The following EWSR1 variants were observed in gnomAD, a reference collection of about 807,000 sequenced individuals.
The protein encoded by EWSR1 is EWS RNA binding protein 1, also known as RNA-binding protein EWS.
A neutral mutation model predicts 92.1 loss-of-function variants in EWSR1; 14 were observed. The observed-to-expected ratio is 0.15, with a 90% CI of 0.10 to 0.24. The LOEUF (loss-of-function observed/expected upper bound fraction) is 0.24. Ranked by LOEUF, EWSR1 falls within the 10% of genes least tolerant of loss-of-function variation. The pLI, the probability that EWSR1 is intolerant of heterozygous loss-of-function variation, is 1.00. For missense variants in EWSR1, 637 were observed against 870.9 expected (o/e 0.73, Z 3.38); for synonymous variants, 303 against 292.9 (o/e 1.03, Z -0.35).
Position 29,274,007 on chromosome 22 carries a change from T to C in EWSR1, c.226+143T>C, listed in dbSNP as rs1220874151. 4 of 1,123,500 alleles carry C rather than the reference T, an allele frequency of 3.6e-6. No individual in the cohort carries two copies. In the African/African-American group the frequency reaches 4.7e-5, roughly 13 times the overall value. The allele number at this position is 1,123,500 out of a possible 1,614,324, so 69.6% of individuals were successfully genotyped here. A position where few individuals can be genotyped will look rare whatever the true frequency, so the allele number is the denominator to read the frequency against. On this transcript the variant is annotated intron_variant, in intron 4 of 16. Coordinates refer to ENST00000397938, the MANE Select transcript of EWSR1 (RefSeq NM_005243.4). ...TTTATTCTTAGGAAGAGGTATTTTT[T>C]CTCTTTCTTCCCTACTCTTATAGTC...
Position 29,298,794 on chromosome 22 carries a change from TAGA to T in EWSR1, c.1480_1482del (p.Arg494del). 6.2e-7 allele frequency: 1 copy of T among 1,611,912 alleles called. No individual in the cohort carries two copies. The highest frequency in any genetic ancestry group is 8.5e-7 in the Non-Finnish European group (1 of 1,179,298). On this transcript the variant is annotated inframe_deletion, in exon 14 of 17. Transcript: ENST00000397938. ...GTCGCATGGGAGGCCGTGGAGGAGA[TAGA>T]GGAGGCTTCCCTCCAAGAGGACCCC...
In EWSR1 at chr22:29,282,660, A is replaced by G. The variant is rs1484409386; in HGVS notation, c.581+103A>G. On this transcript the variant is annotated intron_variant, in intron 6 of 16. Coordinates refer to ENST00000397938, the MANE Select transcript of EWSR1 (RefSeq NM_005243.4). ...TTCTTCAGCTAAGGTATGTTATCTG[A>G]CTGTCGCAGTGATAAGTCATCTGAC... 3 of 959,124 alleles carry G rather than the reference A, an allele frequency of 3.1e-6. No homozygotes were observed. In the African/African-American group the frequency reaches 5.1e-5, roughly 16 times the overall value. The allele number at this position is 959,124 out of a possible 1,614,324, so 59.4% of individuals were successfully genotyped here.
chr22:29,286,837 G>A, intron 6 of EWSR1, 86 bp from the exon 7 acceptor site: 1 of 981,218 alleles, frequency 1.0e-6, no homozygotes, highest in South Asian at 1.5e-5. Flanking sequence ...GTCACATGGT[G>A]TGAATGTCTC....
Position 29,282,381 on chromosome 22 carries a change from T to C in EWSR1, c.414-9T>C, listed in dbSNP as rs766555115. 2.6e-5 allele frequency: 41 copies of C among 1,550,754 alleles called. No individual in the cohort carries two copies. Among genetic ancestry groups the C allele is most frequent in the Non-Finnish European group, 3.4e-5 (39 of 1,155,476 alleles). Reference sequence around the variant, plus strand: ...ACTTTTTAATTTTATTTATTATTTCTCCTCTTAGACCGCAGGATGGAAACA... The same window carrying C: ...ACTTTTTAATTTTATTTATTATTTCCCCTCTTAGACCGCAGGATGGAAACA... On this transcript the variant is annotated splice_polypyrimidine_tract_variant and intron_variant, in intron 5 of 16. Coordinates refer to ENST00000397938, the MANE Select transcript of EWSR1 (RefSeq NM_005243.4).
chr22:29,282,643 C>A (rs947653899), intron 6 of EWSR1, 86 bp downstream of exon 6: 8 of 1,162,282 alleles, frequency 6.9e-6, no homozygotes, highest in African/African-American at 3.2e-5. Context: ...ACTTCTTCAG[C>A]TAAGGTATGT....
intron 11 of EWSR1, 111 bp downstream of exon 11, chr22:29,292,717 C>T: frequency 1.4e-5 from 8 of 561,736 alleles, no homozygotes; most frequent in South Asian, 9.5e-5. Flanking sequence ...TGCCTGACTT[C>T]TTTCTAGGTA....
chr22:29,294,248 C>T (rs1339866975), intron 11 of EWSR1, among the ~76,000 whole-genome samples: 1 of 152,094 alleles, frequency 6.6e-6, no homozygotes, highest in Non-Finnish European at 1.5e-5. Context: ...CGTTTATTTT[C>T]AAGTTGCTGT....
chr22:29,272,580 CGAAGG>C, intron 3 of EWSR1, 149 bp downstream of exon 3: 5 of 736,852 alleles, frequency 6.8e-6, no homozygotes, highest in Non-Finnish European at 1.1e-5. Flanking sequence ...AGTGGGAGTG[CGAAGG>C]ACTCCATTGT....
chr22:29,296,103 T>A lies in EWSR1; in HGVS notation c.1165-136T>A, dbSNP rs549678250. ...AAAATAACTTAGAATTCTGAAAAAC[T>A]TAAAAGCGGAGAAACGGTGACATTT... is the stretch of plus-strand genomic sequence containing the variant. On this transcript the variant is annotated intron_variant, in intron 11 of 16. Coordinates refer to ENST00000397938, the MANE Select transcript of EWSR1 (RefSeq NM_005243.4). The A allele has an allele frequency of 3.3e-6, 3 of 906,428 alleles. No homozygotes were observed. In the African/African-American group the frequency reaches 5.1e-5, roughly 15 times the overall value. The allele number at this position is 906,428 out of a possible 1,614,324, so 56.1% of individuals were successfully genotyped here.
intron 6 of EWSR1, among the ~76,000 whole-genome samples, chr22:29,284,988 T>C (rs2059909929): frequency 6.6e-6 from 1 of 151,160 alleles, no homozygotes; most frequent in African/African-American, 2.5e-5. Flanking sequence ...CACAGCTAAT[T>C]TTGTATTTTT....
At chr22:29,273,119 T>C (rs1334597953) in intron 3 of EWSR1, among the ~76,000 whole-genome samples, 1 of 152,220 alleles carries the variant, frequency 6.6e-6, no homozygotes, top group Non-Finnish European at 1.5e-5. Flanking sequence ...AGAACAACTC[T>C]TCCTTGCCTG....
At chr22:29,294,254 G>T (rs958366561) in intron 11 of EWSR1, among the ~76,000 whole-genome samples, 64 of 152,284 alleles carry the variant, frequency 4.2e-4, no homozygotes, top group African/African-American at 1.4e-3. Flanking sequence ...TTTTCAAGTT[G>T]CTGTGGTTAA....
chr22:29,295,351 G>T (rs978842985), intron 11 of EWSR1, among the ~76,000 whole-genome samples: 6 of 152,158 alleles, frequency 3.9e-5, no homozygotes, highest in Admixed American at 6.5e-5. Context: ...GGATACAGTG[G>T]CTCACATGTG....
At position 29,300,112 on chromosome 22, in the gene EWSR1, T is replaced by C; in HGVS notation, c.1932-10T>C. On this transcript the variant is annotated splice_polypyrimidine_tract_variant and intron_variant, in intron 16 of 16. Coordinates refer to ENST00000397938, the MANE Select transcript of EWSR1 (RefSeq NM_005243.4). ...CCCATTCTAACCGAAGGGCCCTCTT[T>C]ACCTTGCAGAGGCGAGCACCGTCAG... is the stretch of plus-strand genomic sequence containing the variant. The C allele has an allele frequency of 6.2e-7, 1 of 1,601,254 alleles. No homozygotes were observed. The highest frequency in any genetic ancestry group is 2.2e-5 in the East Asian group (1 of 44,452).
At chr22:29,282,652 G>C in intron 6 of EWSR1, 95 bp downstream of exon 6, 3 of 1,036,554 alleles carry the variant, frequency 2.9e-6, no homozygotes, top group Non-Finnish European at 2.7e-6. Flanking sequence ...GCTAAGGTAT[G>C]TTATCTGACT....
chr22:29,274,365 A>G, intron 4 of EWSR1: 1 of 1,526,428 alleles, frequency 6.6e-7, no homozygotes, highest in East Asian at 2.3e-5. Context: ...AGGTGTTTTC[A>G]TTTGTTGAAC....
intron 13 of EWSR1, 58 bp from the exon 14 acceptor site, chr22:29,298,675 A>G (rs548727691): frequency 9.4e-6 from 15 of 1,598,264 alleles, no homozygotes; most frequent in East Asian, 8.9e-5. Context: ...TTTATTTCCT[A>G]TAGCAAATTT....
chr22:29,272,108 C>G, intron 1 of EWSR1, 108 bp from the exon 2 acceptor site: 1 of 984,718 alleles, frequency 1.0e-6, no homozygotes, highest in Non-Finnish European at 1.6e-6. Context: ...TGGCAGGTCT[C>G]CCTACAGTTT....
At chr22:29,286,363 C>T (rs918020171) in intron 6 of EWSR1, among the ~76,000 whole-genome samples, 2 of 150,766 alleles carry the variant, frequency 1.3e-5, no homozygotes, top group African/African-American at 4.9e-5. Flanking sequence ...AGAGAAAACT[C>T]TTTAAGGATT....
Sources: gnomAD v4.1 joint callset for allele counts (sites outside exome capture counted in the v4.1 genomes callset) on GRCh38, gnomAD v4.1.1 for gene constraint, MANE v1.5 for transcripts, NCBI Gene and HGNC (gene_info 2026-07-23, HGNC 2026-07-21) for gene names.